Variants in SYNE3 observed in about 807,000 individuals in gnomAD.
SYNE3 encodes nesprin-3.
In SYNE3, 100 loss-of-function variants were observed where a neutral mutation model predicts 111.2. The observed-to-expected ratio is 0.90, with a 90% confidence interval of 0.77 to 1.06. SYNE3 has a LOEUF of 1.06. SYNE3 is among the 50% of genes least tolerant of loss of function. SYNE3 has a pLI of 0.00. For synonymous variants in SYNE3, 547 were observed against 533.9 expected (o/e 1.02, Z -0.34); for missense variants, 1,160 against 1,240.3 (o/e 0.94, Z 0.97).
intron 1 of SYNE3, among the ~76,000 whole-genome samples, chr14:95,515,177 G>T (rs1338589821): frequency 6.6e-6 from 1 of 152,138 alleles, no homozygotes; most frequent in Admixed American, 6.5e-5. Flanking sequence ...CCCACTTCCC[G>T]CTCAGCCACC....
chr14:95,421,484 T>C (rs1885124159), intron 17 of SYNE3, among the ~76,000 whole-genome samples: 2 of 152,224 alleles, frequency 1.3e-5, no homozygotes, highest in South Asian at 2.1e-4. Context: ...TACCACGTCC[T>C]AGATGTGTGA....
chr14:95,445,311 C>T (rs907728521), intron 9 of SYNE3, among the ~76,000 whole-genome samples: 10 of 152,136 alleles, frequency 6.6e-5, no homozygotes, highest in African/African-American at 1.4e-4. Flanking sequence ...GTGTGTAAAA[C>T]GAGAAAAATA....
At chr14:95,422,929 G>A (rs1339752433) in intron 17 of SYNE3, among the ~76,000 whole-genome samples, 1 of 152,228 alleles carries the variant, frequency 6.6e-6, no homozygotes, top group Admixed American at 6.5e-5. Flanking sequence ...GGGCAGCCCT[G>A]GTTTCCCGGA....
intron 1 of SYNE3, among the ~76,000 whole-genome samples, chr14:95,487,788 A>C (rs1224717244): frequency 3.3e-5 from 5 of 152,072 alleles, no homozygotes; most frequent in Admixed American, 2.0e-4. Flanking sequence ...TTTGTACATG[A>C]ATGGAATGGG....
chr14:95,511,915 C>CAT (rs59556415), intron 1 of SYNE3, among the ~76,000 whole-genome samples: 11,236 of 152,074 alleles, frequency 0.074, 1,266 homozygotes, highest in African/African-American at 0.25. Flanking sequence ...GTATTCCCTA[C>CAT]GTGTGTGACC....
At position 95,466,254 on chromosome 14, in the gene SYNE3, G is replaced by T; in HGVS notation, c.318-14C>A. 4 of 1,550,422 alleles carry T rather than the reference G, an allele frequency of 2.6e-6. No individual in the cohort carries two copies. Among genetic ancestry groups the T allele is most frequent in the Non-Finnish European group, 3.5e-6 (4 of 1,141,794 alleles). On this transcript the variant is annotated splice_polypyrimidine_tract_variant and intron_variant, in intron 3 of 17. Coordinates refer to ENST00000682763, the MANE Select transcript of SYNE3 (RefSeq NM_152592.6). ...CACTCGATGCGGCTGTGGGCACAGA[G>T]ACCTCAAGGTTGTGAGGGAACCAGC... is the stretch of plus-strand genomic sequence containing the variant.
chr14:95,428,611 C>A (rs68148732), intron 17 of SYNE3, among the ~76,000 whole-genome samples: 4,979 of 152,266 alleles, frequency 0.033, 96 homozygotes, highest in South Asian at 0.056. Flanking sequence ...TTTGACCAAT[C>A]CATCCCCAAC....
chr14:95,438,938 G>T (rs147983395), intron 14 of SYNE3, 95 bp downstream of exon 14: 3 of 1,536,458 alleles, frequency 2.0e-6, no homozygotes, highest in Admixed American at 1.7e-5. Flanking sequence ...AGAGCATGTT[G>T]CCCCAGACAG....
At chr14:95,511,378 A>G (rs1890714766) in intron 1 of SYNE3, among the ~76,000 whole-genome samples, 1 of 152,154 alleles carries the variant, frequency 6.6e-6, no homozygotes, top group Non-Finnish European at 1.5e-5. Context: ...CCATCGTAAA[A>G]TGTAACTCTC....
At chr14:95,505,920 T>C (rs985114705) in intron 1 of SYNE3, among the ~76,000 whole-genome samples, 7 of 152,132 alleles carry the variant, frequency 4.6e-5, no homozygotes, top group African/African-American at 1.7e-4. Flanking sequence ...TTCTCAACCA[T>C]CCCTGTGCAT....
At chr14:95,436,742 T>A (rs1886105800) in intron 15 of SYNE3, 78 bp downstream of exon 15, 2 of 1,531,192 alleles carry the variant, frequency 1.3e-6, no homozygotes, top group Admixed American at 1.8e-5. Flanking sequence ...GTGTTCCTTC[T>A]TTTGAAGAAC....
At chr14:95,426,201 G>C (rs553666115) in intron 17 of SYNE3, among the ~76,000 whole-genome samples, 6 of 152,306 alleles carry the variant, frequency 3.9e-5, no homozygotes, top group African/African-American at 1.4e-4. Context: ...AATCATCAAA[G>C]ACTGATTGCT....
At chr14:95,460,557 T>C (rs1887737500) in intron 4 of SYNE3, among the ~76,000 whole-genome samples, 1 of 152,048 alleles carries the variant, frequency 6.6e-6, no homozygotes, top group Non-Finnish European at 1.5e-5. Flanking sequence ...CTGAAATGGC[T>C]TACAACTGGA....
At chr14:95,422,944 GC>G (rs2139347135) in intron 17 of SYNE3, among the ~76,000 whole-genome samples, 1 of 152,336 alleles carries the variant, frequency 6.6e-6, no homozygotes, top group East Asian at 1.9e-4. Context: ...CCCGGACTGG[GC>G]CCTGCCACTT....
chr14:95,420,802 T>C (rs565883954), intron 17 of SYNE3, among the ~76,000 whole-genome samples: 1 of 151,216 alleles, frequency 6.6e-6, no homozygotes, highest in Non-Finnish European at 1.5e-5. Context: ...ATCTTGGCTC[T>C]TCCAAAGAGA....
rs968207393 is a variant in SYNE3 at position 95,464,806 on chromosome 14, A to G, written c.627+1125T>C. On this transcript the variant is annotated intron_variant, in intron 4 of 17. Transcript: ENST00000682763. ...ACAACACCCCCCAAGGAAACAATCTACCATGTCAGGGGACACATAGGTGCC... is the reference window on the plus strand; with the variant it reads ...ACAACACCCCCCAAGGAAACAATCTGCCATGTCAGGGGACACATAGGTGCC... Among the ~76,000 whole-genome samples, 4 of 152,238 alleles carry G rather than the reference A, an allele frequency of 2.6e-5. No homozygotes were observed. In the East Asian group the frequency reaches 7.7e-4, roughly 29 times the overall value.
chr14:95,475,898 C>T (rs938417690), intron 1 of SYNE3, 63 bp from the exon 2 acceptor site: 15 of 1,347,842 alleles, frequency 1.1e-5, no homozygotes, highest in Admixed American at 6.9e-5. Flanking sequence ...AAAAGACCCC[C>T]GGCAGGACAC....
intron 1 of SYNE3, among the ~76,000 whole-genome samples, chr14:95,514,851 C>T (rs538631602): frequency 2.6e-4 from 39 of 152,344 alleles, no homozygotes; most frequent in African/African-American, 8.9e-4. Context: ...CTCCCGGGGC[C>T]GCCAAGCCAG....
chr14:95,429,065 A>G (rs1407861751), intron 17 of SYNE3, among the ~76,000 whole-genome samples: 1 of 152,248 alleles, frequency 6.6e-6, no homozygotes, highest in Middle Eastern at 3.2e-3. Context: ...GCATACGTGC[A>G]TGCGTGCGCA....
Sources: gnomAD v4.1 joint callset for allele counts (sites outside exome capture counted in the v4.1 genomes callset) on GRCh38, gnomAD v4.1.1 for gene constraint, MANE v1.5 for transcripts, NCBI Gene and HGNC (gene_info 2026-07-23, HGNC 2026-07-21) for gene names.